The following RASAL2 variants were observed in gnomAD, a reference collection of about 807,000 sequenced individuals.
RASAL2 encodes the protein RAS protein activator like 2.
Under a neutral mutation model 128.9 loss-of-function variants are expected in RASAL2, and 58 were observed. That is an observed-to-expected ratio of 0.45 (90% confidence interval 0.36 to 0.56). RASAL2 has a LOEUF of 0.56. RASAL2 is among the 20% of genes least tolerant of loss of function. The pLI, the probability that RASAL2 is intolerant of heterozygous loss-of-function variation, is 0.00. For synonymous variants in RASAL2, 561 were observed against 580.8 expected (o/e 0.97, Z 0.49); for missense variants, 1,360 against 1,601.6 (o/e 0.85, Z 2.57).
chr1:178,128,450 G>A (rs888943139), intron 1 of RASAL2, among the ~76,000 whole-genome samples: 1 of 152,086 alleles, frequency 6.6e-6, no homozygotes, highest in Non-Finnish European at 1.5e-5. Flanking sequence ...TCACATTGGT[G>A]ATGTTATAAT....
At chr1:178,464,446 C>G (rs768753049) in intron 15 of RASAL2, 34 bp downstream of exon 15, 95 of 1,604,106 alleles carry the variant, frequency 5.9e-5, no homozygotes, top group Non-Finnish European at 8.0e-5. Flanking sequence ...ACTTTCTGAT[C>G]CCAAAATGAC....
At chr1:178,225,280 A>G (rs1345135318) in intron 1 of RASAL2, among the ~76,000 whole-genome samples, 1 of 151,902 alleles carries the variant, frequency 6.6e-6, no homozygotes, top group African/African-American at 2.4e-5. Flanking sequence ...AGGAATGAAA[A>G]CACATACTTA....
intron 3 of RASAL2, among the ~76,000 whole-genome samples, chr1:178,361,901 A>G (rs953592439): frequency 7.2e-5 from 11 of 151,996 alleles, no homozygotes; most frequent in Non-Finnish European, 1.3e-4. Context: ...ACAGATCATC[A>G]GGCATTAGAT....
intron 1 of RASAL2, among the ~76,000 whole-genome samples, chr1:178,225,720 G>T (rs1212728492): frequency 6.6e-6 from 1 of 151,606 alleles, no homozygotes; most frequent in East Asian, 1.9e-4. Flanking sequence ...CTTTTCTATT[G>T]ATGGTCATTA....
In RASAL2 at chr1:178,256,062, A is replaced by G. The variant is rs117016346; in HGVS notation, c.203-27502A>G. 4.9e-4 allele frequency among the ~76,000 whole-genome samples: 74 copies of G among 152,300 alleles called. 1 individual carries two copies. In the East Asian group the frequency reaches 0.013, roughly 27 times the overall value. On this transcript the variant is annotated intron_variant, in intron 1 of 17. Transcript: ENST00000367649. Reference sequence around the variant, plus strand: ...ACTAACATCAGAGAAAATAGACTAAACAGTAACAACAAAGGAATCCTCTTA... The same window carrying G: ...ACTAACATCAGAGAAAATAGACTAAGCAGTAACAACAAAGGAATCCTCTTA...
chr1:178,203,216 C>T (rs1020593048), intron 1 of RASAL2, among the ~76,000 whole-genome samples: 5 of 152,196 alleles, frequency 3.3e-5, no homozygotes, highest in Non-Finnish European at 5.9e-5. Context: ...GTATTCCACA[C>T]AGCATTGCCT....
chr1:178,210,926 G>A (rs1663231260), intron 1 of RASAL2, among the ~76,000 whole-genome samples: 1 of 152,144 alleles, frequency 6.6e-6, no homozygotes. Context: ...CTTGAAGCTA[G>A]TCTCTTTACA....
At chr1:178,242,026 G>GA (rs1308606611) in intron 1 of RASAL2, among the ~76,000 whole-genome samples, 1 of 152,108 alleles carries the variant, frequency 6.6e-6, no homozygotes, top group Non-Finnish European at 1.5e-5. Context: ...TTTGTTTCTT[G>GA]ATTTATTTAT....
chr1:178,393,763 A>G (rs954134109), intron 4 of RASAL2, among the ~76,000 whole-genome samples: 2 of 152,194 alleles, frequency 1.3e-5, no homozygotes, highest in African/African-American at 4.8e-5. Context: ...TGTTCCGATC[A>G]TCTTTATAAC....
Position 178,405,169 on chromosome 1 carries a change from C to A in RASAL2, c.564+14963C>A, listed in dbSNP as rs915171382. 1.6e-4 allele frequency among the ~76,000 whole-genome samples: 24 copies of A among 152,280 alleles called. 1 individual carries two copies. Among genetic ancestry groups the A allele is most frequent in the Admixed American group, 1.4e-3 (21 of 15,306 alleles). Reference sequence around the variant, plus strand: ...TTGGCAAGATTACATATACACTTACCTTTTGACCCAGCATCCCATTTCTAG... The same window carrying A: ...TTGGCAAGATTACATATACACTTACATTTTGACCCAGCATCCCATTTCTAG... On this transcript the variant is annotated intron_variant, in intron 4 of 17. Coordinates refer to ENST00000367649, the MANE Select transcript of RASAL2 (RefSeq NM_170692.4).
intron 3 of RASAL2, among the ~76,000 whole-genome samples, chr1:178,356,629 A>C (rs1279342045): frequency 6.6e-6 from 1 of 152,236 alleles, no homozygotes; most frequent in Non-Finnish European, 1.5e-5. Context: ...AAGGAAAAAG[A>C]AAACATGTTG....
intron 3 of RASAL2, among the ~76,000 whole-genome samples, chr1:178,359,098 T>A (rs929876938): frequency 6.6e-6 from 1 of 152,220 alleles, no homozygotes; most frequent in Admixed American, 6.5e-5. Flanking sequence ...GACTAAAATT[T>A]AAAAATGTGT....
At chr1:178,302,049 A>G (rs568832629) in intron 3 of RASAL2, among the ~76,000 whole-genome samples, 66 of 152,284 alleles carry the variant, frequency 4.3e-4, no homozygotes, top group African/African-American at 1.5e-3. Flanking sequence ...CTATCCTCGT[A>G]AATATTATAG....
At chr1:178,301,448 T>C (rs1056891681) in intron 3 of RASAL2, among the ~76,000 whole-genome samples, 1 of 152,086 alleles carries the variant, frequency 6.6e-6, no homozygotes, top group Admixed American at 6.6e-5. Context: ...TTTTTTTTTT[T>C]CTGAGACAGA....
intron 1 of RASAL2, among the ~76,000 whole-genome samples, chr1:178,224,040 G>A (rs1663706432): frequency 6.6e-6 from 1 of 152,114 alleles, no homozygotes; most frequent in African/African-American, 2.4e-5. Context: ...AGAAGACAAA[G>A]TATGAACTGG....
chr1:178,291,765 G>T (rs922828713), intron 2 of RASAL2, among the ~76,000 whole-genome samples: 1 of 152,128 alleles, frequency 6.6e-6, no homozygotes, highest in Non-Finnish European at 1.5e-5. Flanking sequence ...GGCCGGGCAC[G>T]GCGGCTCACA....
rs529803086 is a variant in RASAL2 at position 178,246,067 on chromosome 1, T to C, written c.203-37497T>C. ...CTATACAGGCTCTTGTTTGGTTCCA[T>C]ATGAAATTTAAAGTCATTTTTTCTA... On this transcript the variant is annotated intron_variant, in intron 1 of 17. Transcript: ENST00000367649. Among the ~76,000 whole-genome samples the C allele has an allele frequency of 1.6e-4, 25 of 152,324 alleles. No homozygotes were observed. In the East Asian group the frequency reaches 3.9e-3, roughly 23 times the overall value.
intron 1 of RASAL2, among the ~76,000 whole-genome samples, chr1:178,201,438 G>A (rs761204376): frequency 1.2e-4 from 19 of 152,160 alleles, no homozygotes; most frequent in Non-Finnish European, 2.5e-4. Flanking sequence ...ATCCCAGCTG[G>A]AAGAGTCCAG....
Position 178,473,334 on chromosome 1 carries a change from A to G in RASAL2, c.*95A>G. On this transcript the variant is annotated 3_prime_UTR_variant, in exon 18 of 18. Transcript: ENST00000367649. ...CCCTCCAGGTTTACAGAATGTTGCTACTTCACAATGGCGATGTGGTGAGAA... is the reference window on the plus strand; with the variant it reads ...CCCTCCAGGTTTACAGAATGTTGCTGCTTCACAATGGCGATGTGGTGAGAA... The G allele has an allele frequency of 6.9e-7, 1 of 1,456,748 alleles. No homozygotes were observed. The highest frequency in any genetic ancestry group is 1.2e-5 in the South Asian group (1 of 84,050). 90.2% of individuals were successfully genotyped at this position (1,456,748 alleles called of 1,614,324 possible). A position where few individuals can be genotyped will look rare whatever the true frequency, so the allele number is the denominator to read the frequency against.
Sources: allele counts gnomAD v4.1 joint callset (sites outside exome capture counted in the v4.1 genomes callset), GRCh38; gene constraint gnomAD v4.1.1; transcripts MANE v1.5; gene names NCBI Gene and HGNC (gene_info 2026-07-23, HGNC 2026-07-21).